The following TECTA variants were observed in gnomAD, a reference collection of about 807,000 sequenced individuals.
TECTA encodes tectorin alpha.
TECTA carries 128 observed loss-of-function variants against 216.8 expected under a neutral mutation model. The observed-to-expected ratio is 0.59, with a 90% CI of 0.51 to 0.68. The LOEUF (loss-of-function observed/expected upper bound fraction) is 0.68, where lower values mean the gene tolerates loss of function less well. Ranked by LOEUF, TECTA falls within the 30% of genes least tolerant of loss-of-function variation. TECTA has a pLI of 0.00. For synonymous variants in TECTA, 1,089 were observed against 1,117.1 expected (o/e 0.97, Z 0.50); for missense variants, 2,551 against 2,786.2 (o/e 0.92, Z 1.90).
At chr11:121,106,699 A>T (rs533571965) in intron 3 of TECTA, among the ~76,000 whole-genome samples, 6 of 152,204 alleles carry the variant, frequency 3.9e-5, no homozygotes, top group Non-Finnish European at 8.8e-5. Flanking sequence ...GGAAGAATGC[A>T]ACCCTAAGCA....
intron 20 of TECTA, among the ~76,000 whole-genome samples, chr11:121,169,185 C>T (rs1190891771): frequency 3.9e-5 from 6 of 152,190 alleles, no homozygotes; most frequent in Non-Finnish European, 8.8e-5. Context: ...GCATTAACTA[C>T]AGATGCTTTA....
chr11:121,102,783 A>G, intron 2 of TECTA, 54 bp downstream of exon 2: 1 of 1,488,120 alleles, frequency 6.7e-7, no homozygotes, highest in African/African-American at 1.4e-5. Flanking sequence ...TTGAATTGAT[A>G]AAGAGACACT....
At chr11:121,141,312 AAC>A (rs1200720558) in intron 11 of TECTA, among the ~76,000 whole-genome samples, 1 of 152,190 alleles carries the variant, frequency 6.6e-6, no homozygotes, top group Non-Finnish European at 1.5e-5. Flanking sequence ...TGCTGGGTAA[AAC>A]ACAGCCCACA....
rs1946632063 is a variant in TECTA, at chr11:121,128,062, G to A, written c.2085G>A (p.Val695=). The change falls in exon 9 of 24, where the codon GTG becomes GTA. Residue 695 remains valine (V), a synonymous_variant. Transcript: ENST00000392793. ...ACAAGACCTGCGGCAGCGGGGAGGT[G>A]TGCGCCGTGGAGGACGGCTACCAGG... ...CFNKTCGSGE[V]CAVEDGYQGC... is the part of the protein sequence containing the mutation. 6 of 1,612,526 alleles carry A rather than the reference G, an allele frequency of 3.7e-6. No individual in the cohort carries two copies. In the South Asian group the frequency reaches 5.5e-5, roughly 15 times the overall value.
At chr11:121,186,911 C>A (rs1229906675) in intron 20 of TECTA, among the ~76,000 whole-genome samples, 1 of 152,194 alleles carries the variant, frequency 6.6e-6, no homozygotes, top group Non-Finnish European at 1.5e-5. Context: ...ATTCATCTGA[C>A]AGAAGTTTTC....
chr11:121,180,641 T>C (rs907642276), intron 20 of TECTA, among the ~76,000 whole-genome samples: 2 of 152,186 alleles, frequency 1.3e-5, no homozygotes, highest in Non-Finnish European at 2.9e-5. Context: ...TTCCTATATG[T>C]AGATGTTTAT....
rs181707398 is a variant in TECTA, at chr11:121,150,613, A to G, written c.4106-2268A>G. On this transcript the variant is annotated intron_variant, in intron 12 of 23. Transcript: ENST00000392793. ...AGGCAAATGATAAATATTTTGTAAC[A>G]CATATGACATACCACAAAGGCCTAT... Among the ~76,000 whole-genome samples the G allele has an allele frequency of 1.9e-3, 282 of 152,082 alleles. 1 individual carries two copies. The highest frequency in any genetic ancestry group is 6.3e-3 in the African/African-American group (262 of 41,522).
At chr11:121,160,077 A>G in intron 14 of TECTA, 58 bp from the exon 15 acceptor site, 1 of 1,612,022 alleles carries the variant, frequency 6.2e-7, no homozygotes, top group Non-Finnish European at 8.5e-7. Context: ...CCTTTCCTGA[A>G]CAAGTTTGCC....
intron 20 of TECTA, among the ~76,000 whole-genome samples, chr11:121,172,242 G>A (rs1400353398): frequency 6.6e-6 from 1 of 151,820 alleles, no homozygotes; most frequent in Admixed American, 6.6e-5. Flanking sequence ...CAATGTGCAG[G>A]TTAGTTACAT....
Position 121,190,728 on chromosome 11 carries a change from T to G in TECTA, c.6390T>G (p.Leu2130=), listed in dbSNP as rs769896373. Residue 2130 remains leucine (L), a synonymous_variant, in exon 24 of 24, where the codon CTT becomes CTG. Coordinates refer to ENST00000392793, the MANE Select transcript of TECTA (RefSeq NM_005422.4). ...SCRASNSSME[L]QVWTLLLIMI... ...CAGCCTCTAATTCTTCAATGGAACT[T>G]CAAGTCTGGACGCTTCTTCTCATCA... 3.7e-6 allele frequency: 6 copies of G among 1,613,912 alleles called. No individual in the cohort carries two copies. In the South Asian group the frequency reaches 4.4e-5, roughly 12 times the overall value.
chr11:121,186,120 C>G (rs11218193), intron 20 of TECTA, among the ~76,000 whole-genome samples: 12 of 93,454 alleles, frequency 1.3e-4, no homozygotes, highest in Admixed American at 4.8e-4. Context: ...AGAAGATGTT[C>G]AATGCTTAAT....
At chr11:121,153,720 T>C (rs1946915575) in intron 13 of TECTA, among the ~76,000 whole-genome samples, 1 of 152,234 alleles carries the variant, frequency 6.6e-6, no homozygotes, top group South Asian at 2.1e-4. Flanking sequence ...ATGCCCTTCG[T>C]AGATGTTTCT....
At chr11:121,148,166 C>T (rs948428069) in intron 12 of TECTA, among the ~76,000 whole-genome samples, 6 of 152,154 alleles carry the variant, frequency 3.9e-5, no homozygotes, top group Non-Finnish European at 7.3e-5. Flanking sequence ...CACCCAGAGC[C>T]GAGTCTGCCC....
At chr11:121,183,307 G>A (rs1309293543) in intron 20 of TECTA, among the ~76,000 whole-genome samples, 1 of 152,138 alleles carries the variant, frequency 6.6e-6, no homozygotes, top group Non-Finnish European at 1.5e-5. Flanking sequence ...AGCTGCTTGG[G>A]TCTGAGGGGC....
chr11:121,178,961 C>T (rs980487752), intron 20 of TECTA, among the ~76,000 whole-genome samples: 1 of 152,048 alleles, frequency 6.6e-6, no homozygotes, highest in Non-Finnish European at 1.5e-5. Context: ...TCTGATTTTA[C>T]TTGGGTTTTC....
Position 121,166,577 on chromosome 11 carries a change from G to T in TECTA, c.5384-1G>T. The T allele has an allele frequency of 6.2e-7, 1 of 1,614,108 alleles. No individual in the cohort carries two copies. The highest frequency in any genetic ancestry group is 1.1e-5 in the South Asian group (1 of 91,046). ...GCCTTTCGTAATAACTGTTCCCACA[G>T]ACTCACATGACATTATCGATGCAGA... On this transcript the variant is annotated splice_acceptor_variant, in intron 17 of 23. Transcript: ENST00000392793. LOFTEE classifies it high-confidence loss of function.
chr11:121,175,315 C>T (rs1487838394), intron 20 of TECTA, among the ~76,000 whole-genome samples: 1 of 151,742 alleles, frequency 6.6e-6, no homozygotes, highest in Non-Finnish European at 1.5e-5. Context: ...TTCCTGCTTT[C>T]TCTTGTGGGC....
intron 12 of TECTA, among the ~76,000 whole-genome samples, chr11:121,148,930 C>T (rs1201959108): frequency 6.6e-6 from 1 of 152,206 alleles, no homozygotes; most frequent in Admixed American, 6.5e-5. Flanking sequence ...GTCTATCATT[C>T]TTTCAGTCCC....
rs1193750056 is a variant in TECTA at position 121,142,454 on chromosome 11, CCTGT to C, written c.3544-3097_3544-3094del. Among the ~76,000 whole-genome samples the C allele has an allele frequency of 2.0e-5, 3 of 152,120 alleles. No individual in the cohort carries two copies. The East Asian group carries it at 5.8e-4, about 29-fold the overall frequency. The stretch of plus-strand genomic sequence containing the variant: ...GTTTCTGAGACACAGAGAAGCCGAG[CCTGT>C]CTGAGTAGAGGGTGTTCCTGTCTCA... On this transcript the variant is annotated intron_variant, in intron 11 of 23. Transcript: ENST00000392793.
Sources: gnomAD v4.1 joint callset for allele counts (sites outside exome capture counted in the v4.1 genomes callset) on GRCh38, gnomAD v4.1.1 for gene constraint, MANE v1.5 for transcripts, NCBI Gene and HGNC (gene_info 2026-07-23, HGNC 2026-07-21) for gene names.